The following CARS1 variants were observed in gnomAD, a reference collection of about 807,000 sequenced individuals.
CARS1 encodes cysteine--tRNA ligase, cytoplasmic.
Under a neutral mutation model 106.2 loss-of-function variants are expected in CARS1, and 48 were observed. That is an observed-to-expected ratio of 0.45 (90% confidence interval 0.36 to 0.57). CARS1 has a LOEUF of 0.57. Ranked by LOEUF, CARS1 falls within the 20% of genes least tolerant of loss-of-function variation. CARS1 has a pLI of 0.00. For synonymous variants in CARS1, 409 were observed against 403.4 expected (o/e 1.01, Z -0.17); for missense variants, 968 against 1,057.2 (o/e 0.92, Z 1.17).
Position 3,017,770 on chromosome 11 carries a change from A to T in CARS1, c.1727+87T>A. On this transcript the variant is annotated intron_variant, in intron 15 of 22. Transcript: ENST00000380525. The surrounding 1 kb of genome is among the most constrained non-coding windows in gnomAD (Gnocchi z 4.9). ...ACAGTGTCCCCAGCCCTTCCTCGACAGTCCAGGACACATGGTGGCCAAGAT... is the reference window on the plus strand; with the variant it reads ...ACAGTGTCCCCAGCCCTTCCTCGACTGTCCAGGACACATGGTGGCCAAGAT... The T allele has an allele frequency of 2.3e-6, 2 of 862,856 alleles. No homozygotes were observed. Among genetic ancestry groups the T allele is most frequent in the South Asian group, 2.9e-5 (2 of 69,496 alleles). 53.4% of individuals were successfully genotyped at this position (862,856 alleles called of 1,614,324 possible). A position where few individuals can be genotyped will look rare whatever the true frequency, so the allele number is the denominator to read the frequency against.
chr11:3,013,196 C>A, intron 17 of CARS1, among the ~76,000 whole-genome samples: 1 of 146,824 alleles, frequency 6.8e-6, no homozygotes, highest in East Asian at 2.0e-4. Context: ...CTCTCATTGC[C>A]CAGACTGGCA....
Position 3,020,405 on chromosome 11 carries a change from A to G in CARS1, c.1154-73T>C, listed in dbSNP as rs1233479987. ...GACCCACATGTCTCACTTCAAGGCC[A>G]TCCACGGTGCCTAATGGGCAGTCCT... is the stretch of plus-strand genomic sequence containing the variant. On this transcript the variant is annotated intron_variant, in intron 10 of 22. Transcript: ENST00000380525. The surrounding 1 kb of genome is among the most constrained non-coding windows in gnomAD (Gnocchi z 4.6). The G allele has an allele frequency of 1.2e-6, 1 of 865,810 alleles. No individual in the cohort carries two copies. Among genetic ancestry groups the G allele is most frequent in the Admixed American group, 1.8e-5 (1 of 56,338 alleles). 53.6% of individuals were successfully genotyped at this position (865,810 alleles called of 1,614,324 possible). A position where few individuals can be genotyped will look rare whatever the true frequency, so the allele number is the denominator to read the frequency against.
intron 16 of CARS1, among the ~76,000 whole-genome samples, chr11:3,016,716 C>T (rs1379125383): frequency 1.3e-5 from 2 of 152,016 alleles, no homozygotes; most frequent in East Asian, 1.9e-4. Context: ...TGGGCTCAAG[C>T]GAGCCCCTCA....
In CARS1 at chr11:3,019,837, C is replaced by T. The variant is rs777108180; in HGVS notation, c.1266+383G>A. 1.2e-4 allele frequency among the ~76,000 whole-genome samples: 18 copies of T among 152,092 alleles called. No individual in the cohort carries two copies. The highest frequency in any genetic ancestry group is 2.6e-4 in the Non-Finnish European group (18 of 67,986). ...TGAGCCCTTGACAGCTGCAGATGGT[C>T]ACGCCCCTTCCTAGGGTACCCTGCA... On this transcript the variant is annotated intron_variant, in intron 11 of 22. Transcript: ENST00000380525. This position sits in a 1 kb window ranked among gnomAD's most constrained non-coding sequence, Gnocchi z 6.2.
chr11:3,015,519 G>A (rs1850898164), intron 17 of CARS1, among the ~76,000 whole-genome samples: 1 of 152,210 alleles, frequency 6.6e-6, no homozygotes, highest in Non-Finnish European at 1.5e-5. Flanking sequence ...ATGTAGTTGG[G>A]GTCCAAGACC....
At chr11:3,014,707 C>G (rs1467422157) in intron 17 of CARS1, among the ~76,000 whole-genome samples, 1 of 152,322 alleles carries the variant, frequency 6.6e-6, no homozygotes, top group African/African-American at 2.4e-5. Context: ...AAATACCACA[C>G]CAACTACCAC....
In CARS1 at chr11:3,006,913, C is replaced by A. The variant is rs567095792; in HGVS notation, c.2115G>T (p.Leu705=). ...CTTCAAACCGCACCCCAAGCTCGGG[C>A]AGGATGTTGTCCCGCAGGGCATCGC... The part of the protein sequence containing the change: ...QLSDALRDNI[L]PELGVRFEDH... Residue 705 remains leucine (L), a synonymous_variant, in exon 19 of 23, where the codon CTG becomes CTT. Coordinates refer to ENST00000380525, the MANE Select transcript of CARS1 (RefSeq NM_001014437.3). 1.9e-6 allele frequency: 3 copies of A among 1,614,148 alleles called. No individual in the cohort carries two copies. The highest frequency in any genetic ancestry group is 4.5e-5 in the East Asian group (2 of 44,894).
intron 18 of CARS1, 167 bp from the exon 19 acceptor site, chr11:3,007,126 G>C (rs1215736559): frequency 1.1e-5 from 7 of 617,744 alleles, no homozygotes; most frequent in Non-Finnish European, 1.7e-5. Flanking sequence ...ACCTCCTCCA[G>C]TGCTTGGGAG....
At position 3,021,611 on chromosome 11, in the gene CARS1, T is replaced by C. The variant is rs961333157; in HGVS notation, c.1154-1279A>G. ...AAAATATGTACTAAATGTAGAATAT[T>C]TGAAAGATAAAAAAAGAAAACTAGG... On this transcript the variant is annotated intron_variant, in intron 10 of 22. Transcript: ENST00000380525. This position sits in a 1 kb window ranked among gnomAD's most constrained non-coding sequence, Gnocchi z 5.3. Among the ~76,000 whole-genome samples the C allele has an allele frequency of 6.6e-6, 1 of 152,192 alleles. No homozygotes were observed. The highest frequency in any genetic ancestry group is 1.5e-5 in the Non-Finnish European group (1 of 68,034).
chr11:3,030,861 A>G lies in CARS1; in HGVS notation c.802-1418T>C, dbSNP rs1465517372. On this transcript the variant is annotated intron_variant, in intron 7 of 22. Transcript: ENST00000380525. This position sits in a 1 kb window ranked among gnomAD's most constrained non-coding sequence, Gnocchi z 5.7. ...GATGAAATCTATTAACAGGCGAAACAGTCTTATCCATCCTACTGAGTGACT... is the reference window on the plus strand; with the variant it reads ...GATGAAATCTATTAACAGGCGAAACGGTCTTATCCATCCTACTGAGTGACT... 1 of 152,250 alleles carries G rather than the reference A, an allele frequency of 6.6e-6. No individual in the cohort carries two copies. Among genetic ancestry groups the G allele is most frequent in the Non-Finnish European group, 1.5e-5 (1 of 68,040 alleles). 9.4% of individuals were successfully genotyped at this position (152,250 alleles called of 1,614,324 possible).
At position 3,008,705 on chromosome 11, in the gene CARS1, C is replaced by T. The variant is rs543585513; in HGVS notation, c.2069-1746G>A. 5.9e-5 allele frequency: 9 copies of T among 152,242 alleles called. No homozygotes were observed. Among genetic ancestry groups the T allele is most frequent in the African/African-American group, 2.2e-4 (9 of 41,532 alleles). The allele number at this position is 152,242 out of a possible 1,614,324, so 9.4% of individuals were successfully genotyped here. On this transcript the variant is annotated intron_variant, in intron 18 of 22. Coordinates refer to ENST00000380525, the MANE Select transcript of CARS1 (RefSeq NM_001014437.3). This position sits in a 1 kb window ranked among gnomAD's most constrained non-coding sequence, Gnocchi z 5.1. Reference sequence around the variant, plus strand: ...CTTTGGGCAGCTTCCGGAGTTTCAACCTCCCCAGGCAGAGACCTAGGGGAA... The same window carrying T: ...CTTTGGGCAGCTTCCGGAGTTTCAATCTCCCCAGGCAGAGACCTAGGGGAA...
chr11:3,013,468 T>C (rs888578117), intron 17 of CARS1, among the ~76,000 whole-genome samples: 9 of 152,174 alleles, frequency 5.9e-5, no homozygotes, highest in African/African-American at 2.2e-4. Flanking sequence ...TCTCTTTTTC[T>C]AATAGGACAG....
At position 3,022,215 on chromosome 11, in the gene CARS1, C is replaced by T. The variant is rs2134163111; in HGVS notation, c.1154-1883G>A. Among the ~76,000 whole-genome samples, 1 of 152,316 alleles carries T rather than the reference C, an allele frequency of 6.6e-6. No individual in the cohort carries two copies. The highest frequency in any genetic ancestry group is 3.4e-3 in the Middle Eastern group (1 of 294). ...CTGTTCCTAGCGATAGAATCTCTAA[C>T]CCTGGACCTTTTTACCAAGAACTGC... On this transcript the variant is annotated intron_variant, in intron 10 of 22. Coordinates refer to ENST00000380525, the MANE Select transcript of CARS1 (RefSeq NM_001014437.3). The surrounding 1 kb of genome is among the most constrained non-coding windows in gnomAD (Gnocchi z 4.9).
At chr11:3,025,975 C>A (rs1321527086) in intron 10 of CARS1, among the ~76,000 whole-genome samples, 1 of 152,136 alleles carries the variant, frequency 6.6e-6, no homozygotes, top group East Asian at 1.9e-4. Flanking sequence ...GACAGCACTG[C>A]GTTTACTGTC....
At position 3,026,722 on chromosome 11, in the gene CARS1, C is replaced by T; in HGVS notation, c.1107G>A (p.Leu369=). ...ASSEKHSYGK[L]VPEAVGDQKA... is the part of the protein sequence containing the mutation. The stretch of plus-strand genomic sequence containing the variant: ...TCTGATCTCCAACGGCCTCAGGCAC[C>T]AGCTTCCCATAGGAGTGCTTCTCGC... The change falls in exon 10 of 23, where the codon CTG becomes CTA. Residue 369 remains leucine, a synonymous_variant. Transcript: ENST00000380525. 6.2e-7 allele frequency: 1 copy of T among 1,614,028 alleles called. No homozygotes were observed. The highest frequency in any genetic ancestry group is 8.5e-7 in the Non-Finnish European group (1 of 1,179,976).
intron 7 of CARS1, among the ~76,000 whole-genome samples, chr11:3,033,078 A>C (rs1358262055): frequency 1.3e-5 from 2 of 152,068 alleles, no homozygotes; most frequent in Admixed American, 1.3e-4. Context: ...AAGTGAAAAA[A>C]TAAGGAGAAA....
Position 3,039,404 on chromosome 11 carries a change from A to T in CARS1, c.553-112T>A. On this transcript the variant is annotated intron_variant, in intron 5 of 22. Coordinates refer to ENST00000380525, the MANE Select transcript of CARS1 (RefSeq NM_001014437.3). The surrounding 1 kb of genome is among the most constrained non-coding windows in gnomAD (Gnocchi z 5.6). ...TCTAAGTGAGGGTGAGGGTGGTGGG[A>T]GACAACTGTGGGCCCCGGACGTGCA... 2 of 690,016 alleles carry T rather than the reference A, an allele frequency of 2.9e-6. No individual in the cohort carries two copies. The highest frequency in any genetic ancestry group is 5.4e-5 in the East Asian group (2 of 36,772). 42.7% of individuals were successfully genotyped at this position (690,016 alleles called of 1,614,324 possible). A position where few individuals can be genotyped will look rare whatever the true frequency, so the allele number is the denominator to read the frequency against.
chr11:3,035,646 T>C (rs755053011), intron 7 of CARS1, among the ~76,000 whole-genome samples: 12 of 152,072 alleles, frequency 7.9e-5, no homozygotes, highest in Non-Finnish European at 1.8e-4. Flanking sequence ...TCACCATGCT[T>C]GGCTAATTTT....
chr11:3,019,566 T>C lies in CARS1; in HGVS notation c.1267-299A>G, dbSNP rs538222622. Among the ~76,000 whole-genome samples, 4 of 152,140 alleles carry C rather than the reference T, an allele frequency of 2.6e-5. No individual in the cohort carries two copies. Among genetic ancestry groups the C allele is most frequent in the Admixed American group, 2.0e-4 (3 of 15,286 alleles). On this transcript the variant is annotated intron_variant, in intron 11 of 22. Coordinates refer to ENST00000380525, the MANE Select transcript of CARS1 (RefSeq NM_001014437.3). The surrounding 1 kb of genome is among the most constrained non-coding windows in gnomAD (Gnocchi z 6.2). ...AAAAAATACAAAAATTAGCTGAGCA[T>C]GGTGACGTATGCCTGTAATCCCAGC... is the stretch of plus-strand genomic sequence containing the variant.
Sources: allele counts gnomAD v4.1 joint callset (sites outside exome capture counted in the v4.1 genomes callset), GRCh38; gene constraint gnomAD v4.1.1; non-coding constraint Gnocchi (gnomAD v3.1); transcripts MANE v1.5; gene names NCBI Gene and HGNC (gene_info 2026-07-23, HGNC 2026-07-21).